Variants in HS6ST3 observed in about 807,000 individuals in gnomAD.
HS6ST3 encodes the protein heparan-sulfate 6-O-sulfotransferase 3.
Under a neutral mutation model 36.7 loss-of-function variants are expected in HS6ST3, and 12 were observed. The ratio of observed to expected loss-of-function variants is 0.33; its 90% CI spans 0.21 to 0.53. HS6ST3 has a LOEUF of 0.53. HS6ST3 is among the 20% of genes least tolerant of loss of function. The pLI is 0.95. For missense variants in HS6ST3, 584 were observed against 640.9 expected (o/e 0.91, Z 0.96); for synonymous variants, 240 against 257.5 (o/e 0.93, Z 0.65).
chr13:96,199,445 A>G (rs1454499420), intron 1 of HS6ST3, among the ~76,000 whole-genome samples: 13 of 152,220 alleles, frequency 8.5e-5, no homozygotes, highest in Admixed American at 7.9e-4. Flanking sequence ...TAGGACTTCA[A>G]TTATATTAAT....
chr13:96,192,435 G>A (rs900848528), intron 1 of HS6ST3, among the ~76,000 whole-genome samples: 2 of 151,952 alleles, frequency 1.3e-5, no homozygotes, highest in Admixed American at 6.6e-5. Context: ...TTCAACCTTT[G>A]TGCCCCTGCC....
chr13:96,092,408 A>G (rs1161993315), intron 1 of HS6ST3, among the ~76,000 whole-genome samples: 2 of 152,240 alleles, frequency 1.3e-5, no homozygotes, highest in Non-Finnish European at 2.9e-5. Flanking sequence ...TGGAGAATTA[A>G]GAAAGTTAAA....
At chr13:96,407,098 T>C (rs1174443943) in intron 1 of HS6ST3, among the ~76,000 whole-genome samples, 1 of 152,230 alleles carries the variant, frequency 6.6e-6, no homozygotes, top group East Asian at 1.9e-4. Context: ...ATCCTGGGAA[T>C]ATCTTTGAAA....
intron 1 of HS6ST3, among the ~76,000 whole-genome samples, chr13:96,355,327 G>C (rs897638598): frequency 6.7e-6 from 1 of 149,906 alleles, no homozygotes; most frequent in Non-Finnish European, 1.5e-5. Flanking sequence ...TCAAGACTTC[G>C]GTGGGGAAAG....
At chr13:96,730,031 AT>A (rs1310914207) in intron 1 of HS6ST3, among the ~76,000 whole-genome samples, 9 of 152,210 alleles carry the variant, frequency 5.9e-5, no homozygotes, top group African/African-American at 2.2e-4. Context: ...ATGAGATTTC[AT>A]GCAATTGTAT....
chr13:96,619,068 A>T (rs901235055), intron 1 of HS6ST3, among the ~76,000 whole-genome samples: 1 of 152,048 alleles, frequency 6.6e-6, no homozygotes, highest in Non-Finnish European at 1.5e-5. Context: ...GATTCAAATG[A>T]TAGTTCTTCT....
At chr13:96,578,953 G>T (rs1045300446) in intron 1 of HS6ST3, among the ~76,000 whole-genome samples, 2 of 152,138 alleles carry the variant, frequency 1.3e-5, no homozygotes, top group African/African-American at 4.8e-5. Context: ...GACATTCTCT[G>T]TAATTATGAA....
intron 1 of HS6ST3, among the ~76,000 whole-genome samples, chr13:96,492,169 C>T (rs2055949445): frequency 6.6e-6 from 1 of 152,186 alleles, no homozygotes; most frequent in South Asian, 2.1e-4. Flanking sequence ...TTCATAGATG[C>T]TGCCATTTTA....
chr13:96,359,139 T>C lies in HS6ST3; in HGVS notation c.707+267570T>C, dbSNP rs550817063. On this transcript the variant is annotated intron_variant, in intron 1 of 1. Transcript: ENST00000376705. ...TACTTTTGGGGGCAATTACAATGTT[T>C]AGGGGAGGGTGCTTGGGAAAGGCCT... 3.3e-4 allele frequency among the ~76,000 whole-genome samples: 50 copies of C among 152,246 alleles called. 1 individual carries two copies. In the South Asian group the frequency reaches 9.7e-3, roughly 30 times the overall value.
chr13:96,403,515 T>A (rs1203789138), intron 1 of HS6ST3, among the ~76,000 whole-genome samples: 1 of 152,230 alleles, frequency 6.6e-6, no homozygotes, highest in Non-Finnish European at 1.5e-5. Context: ...TCCCACATTA[T>A]GTAGTTCTGA....
At position 96,090,868 on chromosome 13, in the gene HS6ST3, T is replaced by C; in HGVS notation, c.6T>C (p.Asp2=). 1.3e-6 allele frequency: 2 copies of C among 1,507,754 alleles called. No individual in the cohort carries two copies. Among genetic ancestry groups the C allele is most frequent in the Non-Finnish European group, 1.8e-6 (2 of 1,122,420 alleles). The allele number at this position is 1,507,754 out of a possible 1,614,324, so 93.4% of individuals were successfully genotyped here. A position where few individuals can be genotyped will look rare whatever the true frequency, so the allele number is the denominator to read the frequency against. The stretch of plus-strand genomic sequence containing the variant: ...GCCGGCCTGAGAGCGGGACCATGGA[T>C]GAAAGGTTCAACAAGTGGCTGCTGA... M[D]ERFNKWLLTP... The change falls in exon 1 of 2, where the codon GAT becomes GAC. Residue 2 remains aspartate, a synonymous_variant. Coordinates refer to ENST00000376705, the MANE Select transcript of HS6ST3 (RefSeq NM_153456.4).
intron 1 of HS6ST3, among the ~76,000 whole-genome samples, chr13:96,658,366 T>A (rs546674732): frequency 6.8e-6 from 1 of 146,254 alleles, no homozygotes; most frequent in Admixed American, 7.2e-5. Context: ...CTGCAACCTC[T>A]GCCTCCTGGG....
intron 1 of HS6ST3, among the ~76,000 whole-genome samples, chr13:96,662,117 C>T (rs142525020): frequency 6.6e-6 from 1 of 152,208 alleles, no homozygotes; most frequent in Non-Finnish European, 1.5e-5. Context: ...TGCTCTGAGT[C>T]TCTTGTGTCT....
At chr13:96,699,978 G>A (rs1409134723) in intron 1 of HS6ST3, among the ~76,000 whole-genome samples, 1 of 152,176 alleles carries the variant, frequency 6.6e-6, no homozygotes, top group Non-Finnish European at 1.5e-5. Flanking sequence ...TTTCTACTGA[G>A]TGATGAACTG....
rs523742 is a variant in HS6ST3, at chr13:96,621,329, G to A, written c.708-211161G>A. Among the ~76,000 whole-genome samples the A allele has an allele frequency of 9.8e-3, 1,488 of 152,216 alleles. 8 individuals are homozygous for A. The highest frequency in any genetic ancestry group is 0.017 in the Middle Eastern group (5 of 294). ...GGGCAGTTTCTCCCATGCTGTTCTC[G>A]TGATAGTGAGTGAATTCTCACGAGA... On this transcript the variant is annotated intron_variant, in intron 1 of 1. Coordinates refer to ENST00000376705, the MANE Select transcript of HS6ST3 (RefSeq NM_153456.4).
At chr13:96,122,794 G>A (rs1014492286) in intron 1 of HS6ST3, among the ~76,000 whole-genome samples, 1 of 152,108 alleles carries the variant, frequency 6.6e-6, no homozygotes, top group Non-Finnish European at 1.5e-5. Context: ...TTGAGGAAAG[G>A]GGCCCTAACA....
At chr13:96,734,495 G>A (rs1223893619) in intron 1 of HS6ST3, among the ~76,000 whole-genome samples, 2 of 152,096 alleles carry the variant, frequency 1.3e-5, no homozygotes, top group African/African-American at 2.4e-5. Context: ...TAGAGAGGAG[G>A]GAACTGAAAT....
chr13:96,485,545 C>A (rs1330023568), intron 1 of HS6ST3, among the ~76,000 whole-genome samples: 1 of 152,030 alleles, frequency 6.6e-6, no homozygotes, highest in Non-Finnish European at 1.5e-5. Flanking sequence ...TTATTTCTTC[C>A]TTCCTAATCA....
At chr13:96,287,523 C>G (rs1594743657) in intron 1 of HS6ST3, among the ~76,000 whole-genome samples, 1 of 152,080 alleles carries the variant, frequency 6.6e-6, no homozygotes, top group Non-Finnish European at 1.5e-5. Context: ...TAATACCTAA[C>G]ATAAAATTTA....
Sources: gnomAD v4.1 joint callset for allele counts (sites outside exome capture counted in the v4.1 genomes callset) on GRCh38, gnomAD v4.1.1 for gene constraint, MANE v1.5 for transcripts, NCBI Gene and HGNC (gene_info 2026-07-23, HGNC 2026-07-21) for gene names.